Variants in KCNH1 observed in about 807,000 individuals in gnomAD.
KCNH1 encodes the protein potassium voltage-gated channel subfamily H member 1.
KCNH1 carries 27 observed loss-of-function variants against 69.2 expected under a neutral mutation model. That is an observed-to-expected ratio of 0.39 (90% CI 0.29 to 0.54). KCNH1 has a LOEUF of 0.54. KCNH1 is among the 20% of genes least tolerant of loss of function. KCNH1 has a pLI of 0.68. For synonymous variants in KCNH1, 456 were observed against 487.7 expected (o/e 0.93, Z 0.86); for missense variants, 798 against 1,261.6 (o/e 0.63, Z 5.57).
intron 5 of KCNH1, among the ~76,000 whole-genome samples, chr1:211,045,051 T>G (rs903560356): frequency 1.5e-5 from 2 of 130,494 alleles, no homozygotes; most frequent in African/African-American, 5.5e-5. Context: ...GATATATATA[T>G]ATATATATGA....
chr1:210,976,999 A>T (rs1338539634), intron 6 of KCNH1, among the ~76,000 whole-genome samples: 1 of 152,072 alleles, frequency 6.6e-6, no homozygotes, highest in Admixed American at 6.6e-5. Flanking sequence ...ATAAAGACAC[A>T]TGCACATGTA....
intron 6 of KCNH1, among the ~76,000 whole-genome samples, chr1:210,939,963 T>C (rs150242919): frequency 3.0e-4 from 45 of 152,344 alleles, no homozygotes; most frequent in Middle Eastern, 3.4e-3. Context: ...AAGGATTTAC[T>C]ATGTTATTAA....
intron 7 of KCNH1, among the ~76,000 whole-genome samples, chr1:210,832,091 A>G (rs1365815536): frequency 6.6e-6 from 1 of 152,174 alleles, no homozygotes; most frequent in African/African-American, 2.4e-5. Flanking sequence ...CCTTTTTCAG[A>G]TAAACAGCCC....
At chr1:210,901,477 C>A (rs187629975) in intron 7 of KCNH1, among the ~76,000 whole-genome samples, 10 of 152,100 alleles carry the variant, frequency 6.6e-5, no homozygotes, top group African/African-American at 2.4e-4. Context: ...GTGGGCAGAG[C>A]GGAACACATG....
At chr1:210,891,085 G>A (rs549469238) in intron 7 of KCNH1, among the ~76,000 whole-genome samples, 6 of 152,242 alleles carry the variant, frequency 3.9e-5, no homozygotes, top group South Asian at 2.1e-4. Context: ...AAAGTCACAC[G>A]CACACGTATG....
At chr1:210,877,068 T>TAA (rs10673335) in intron 7 of KCNH1, among the ~76,000 whole-genome samples, 28,731 of 143,968 alleles carry the variant, frequency 0.2, 3,270 homozygotes, top group Non-Finnish European at 0.26. Flanking sequence ...TCCTCTGAAT[T>TAA]AAAAAAAAAA....
chr1:210,827,855 G>GT, intron 7 of KCNH1, among the ~76,000 whole-genome samples: 1 of 152,110 alleles, frequency 6.6e-6, no homozygotes, highest in Non-Finnish European at 1.5e-5. Context: ...TTGTTTGTTT[G>GT]TTTTTTGGAG....
At chr1:211,083,835 A>C (rs1690904600) in intron 4 of KCNH1, among the ~76,000 whole-genome samples, 1 of 152,212 alleles carries the variant, frequency 6.6e-6, no homozygotes, top group Non-Finnish European at 1.5e-5. Context: ...TCATCTGCCA[A>C]ATTTTACCCT....
At chr1:211,122,409 A>G (rs574703559) in intron 1 of KCNH1, among the ~76,000 whole-genome samples, 152 of 152,322 alleles carry the variant, frequency 1.0e-3, no homozygotes, top group African/African-American at 3.4e-3. Flanking sequence ...ATTGTGGAAG[A>G]CAGTGTGGCG....
intron 10 of KCNH1, among the ~76,000 whole-genome samples, chr1:210,749,327 C>G (rs1683231737): frequency 6.6e-6 from 1 of 152,112 alleles, no homozygotes; most frequent in Non-Finnish European, 1.5e-5. Context: ...TTTACCTGAG[C>G]TTTTAAGTAA....
intron 10 of KCNH1, among the ~76,000 whole-genome samples, chr1:210,736,770 G>A (rs1016009091): frequency 6.6e-6 from 1 of 152,184 alleles, no homozygotes; most frequent in Non-Finnish European, 1.5e-5. Flanking sequence ...GGAGCCGGAG[G>A]AATGGTTCTG....
intron 10 of KCNH1, among the ~76,000 whole-genome samples, chr1:210,716,999 TATG>T (rs751571566): frequency 6.6e-6 from 1 of 152,234 alleles, no homozygotes; most frequent in Non-Finnish European, 1.5e-5. Flanking sequence ...TCATGAATGA[TATG>T]ATGAGTTTAT....
intron 3 of KCNH1, among the ~76,000 whole-genome samples, chr1:211,101,560 C>T (rs1691257594): frequency 6.6e-6 from 1 of 152,192 alleles, no homozygotes. Context: ...AGAGAAACTC[C>T]TTCCTCAGCA....
At chr1:210,905,418 C>G (rs751154785) in intron 7 of KCNH1, among the ~76,000 whole-genome samples, 1 of 152,124 alleles carries the variant, frequency 6.6e-6, no homozygotes, top group African/African-American at 2.4e-5. Flanking sequence ...CTGGTACTGT[C>G]AAGTACCAGG....
intron 1 of KCNH1, among the ~76,000 whole-genome samples, chr1:211,115,713 A>ATATATATATATATATATATATATATC (rs1691563477): frequency 9.5e-6 from 1 of 105,386 alleles, no homozygotes; most frequent in Non-Finnish European, 2.1e-5. Flanking sequence ...ATATATATAT[A>ATATATATATATATATATATATATATC]TATGTATATA....
At chr1:211,006,145 A>G (rs1345232895) in intron 6 of KCNH1, among the ~76,000 whole-genome samples, 2 of 152,220 alleles carry the variant, frequency 1.3e-5, no homozygotes. Flanking sequence ...TATTGCAACC[A>G]CTTTGTGCAA....
In KCNH1 at chr1:211,000,472, T is replaced by C. The variant is rs1017338515; in HGVS notation, c.1032+18311A>G. On this transcript the variant is annotated intron_variant, in intron 6 of 10. Transcript: ENST00000271751. Reference sequence around the variant, plus strand: ...ACTTACCAGGGATGTGAAGGACCTCTTCAAGGAGAACTACAAACCACTGCT... The same window carrying C: ...ACTTACCAGGGATGTGAAGGACCTCCTCAAGGAGAACTACAAACCACTGCT... Among the ~76,000 whole-genome samples, 10 of 152,258 alleles carry C rather than the reference T, an allele frequency of 6.6e-5. No homozygotes were observed. In the South Asian group the frequency reaches 1.5e-3, roughly 22 times the overall value.
intron 6 of KCNH1, among the ~76,000 whole-genome samples, chr1:210,927,649 CA>C (rs1312600664): frequency 6.6e-6 from 1 of 151,422 alleles, no homozygotes; most frequent in Non-Finnish European, 1.5e-5. Flanking sequence ...AACAGTAACA[CA>C]ATGAAAAAAA....
chr1:210,941,291 C>T (rs1254359197), intron 6 of KCNH1, among the ~76,000 whole-genome samples: 1 of 152,236 alleles, frequency 6.6e-6, no homozygotes, highest in Non-Finnish European at 1.5e-5. Flanking sequence ...ACTTCAGTGG[C>T]ATCCTTGCCC....
Sources: gnomAD v4.1 joint callset for allele counts (sites outside exome capture counted in the v4.1 genomes callset) on GRCh38, gnomAD v4.1.1 for gene constraint, MANE v1.5 for transcripts, NCBI Gene and HGNC (gene_info 2026-07-23, HGNC 2026-07-21) for gene names.